TRAPPC9: variants seen among roughly 807,000 people sequenced by gnomAD.
TRAPPC9 encodes the protein trafficking protein particle complex subunit 9.
In TRAPPC9, 83 loss-of-function variants were observed where a neutral mutation model predicts 124.0. The observed-to-expected ratio is 0.67, with a 90% confidence interval of 0.56 to 0.80. TRAPPC9 has a LOEUF of 0.80. Ranked by LOEUF, TRAPPC9 falls within the 30% of genes least tolerant of loss-of-function variation. The pLI is 0.00. For synonymous variants in TRAPPC9, 638 were observed against 617.5 expected (o/e 1.03, Z -0.49); for missense variants, 1,302 against 1,508.3 (o/e 0.86, Z 2.27).
intron 17 of TRAPPC9, among the ~76,000 whole-genome samples, chr8:140,052,017 C>T (rs1337706617): frequency 1.3e-5 from 2 of 152,148 alleles, no homozygotes; most frequent in Non-Finnish European, 2.9e-5. Context: ...TTCTCTCCAG[C>T]ACCAGTAGTT....
intron 16 of TRAPPC9, among the ~76,000 whole-genome samples, chr8:140,245,627 CCT>C (rs1263266031): frequency 7.9e-5 from 12 of 152,154 alleles, no homozygotes; most frequent in African/African-American, 1.2e-4. Context: ...CCTTTTTCCC[CCT>C]GATAATTTAC....
chr8:140,243,872 G>A (rs2063918595), intron 16 of TRAPPC9, among the ~76,000 whole-genome samples: 1 of 152,268 alleles, frequency 6.6e-6, no homozygotes, highest in Non-Finnish European at 1.5e-5. Context: ...GCAACCCCTG[G>A]TGGCCTGTTA....
At chr8:139,951,784 C>T (rs1834661878) in intron 19 of TRAPPC9, among the ~76,000 whole-genome samples, 1 of 152,182 alleles carries the variant, frequency 6.6e-6, no homozygotes, top group Non-Finnish European at 1.5e-5. Context: ...CTTCTAAAGG[C>T]CAGAGATTGA....
intron 19 of TRAPPC9, among the ~76,000 whole-genome samples, chr8:139,957,718 C>A (rs1835091986): frequency 6.6e-6 from 1 of 152,118 alleles, no homozygotes; most frequent in Non-Finnish European, 1.5e-5. Flanking sequence ...TCAGCCACAG[C>A]CGCAGGGGTG....
At position 139,730,237 on chromosome 8, in the gene TRAPPC9, C is replaced by T. The variant is rs1055748323; in HGVS notation, c.*824G>A. On this transcript the variant is annotated 3_prime_UTR_variant, in exon 23 of 23. Coordinates refer to ENST00000438773, the MANE Select transcript of TRAPPC9 (RefSeq NM_001160372.4). ...GAGATCTCTAACTCAGAACCCGTCC[C>T]TTCCTGGGTCCGGCTTCTGCTGGGA... 1 of 152,324 alleles carries T rather than the reference C, an allele frequency of 6.6e-6. No individual in the cohort carries two copies. The highest frequency in any genetic ancestry group is 2.1e-4 in the South Asian group (1 of 4,836). The allele number at this position is 152,324 out of a possible 1,614,324, so 9.4% of individuals were successfully genotyped here.
chr8:139,902,769 C>G (rs1831099855), intron 20 of TRAPPC9, among the ~76,000 whole-genome samples: 1 of 152,194 alleles, frequency 6.6e-6, no homozygotes. Context: ...GCCCACACAG[C>G]CCACGTCAAG....
At chr8:140,033,657 G>GGTTTTTTGTTTTTTTTTTT (rs1563706486) in intron 17 of TRAPPC9, among the ~76,000 whole-genome samples, 1 of 49,264 alleles carries the variant, frequency 2.0e-5, no homozygotes, top group Non-Finnish European at 5.7e-5. Flanking sequence ...TTCATAATGT[G>GGTTTTTTGTTTTTTTTTTT]GTTTTTTTTT....
chr8:139,778,725 A>T (rs1281657452), intron 21 of TRAPPC9, among the ~76,000 whole-genome samples: 2 of 152,198 alleles, frequency 1.3e-5, no homozygotes, highest in African/African-American at 2.4e-5. Context: ...ATCCAAAATG[A>T]AACACACAGA....
intron 21 of TRAPPC9, among the ~76,000 whole-genome samples, chr8:139,792,805 T>C (rs1233876748): frequency 2.0e-5 from 3 of 152,196 alleles, no homozygotes; most frequent in Non-Finnish European, 4.4e-5. Context: ...AGTGCTGCTA[T>C]CTAGTCAGAC....
chr8:139,735,658 G>GT (rs112374981), intron 21 of TRAPPC9, among the ~76,000 whole-genome samples: 3,856 of 147,356 alleles, frequency 0.026, 115 homozygotes, highest in African/African-American at 0.077. Flanking sequence ...ACCCTGCCCT[G>GT]TTTTTTTTTT....
At chr8:139,757,150 C>T (rs1819886860) in intron 21 of TRAPPC9, among the ~76,000 whole-genome samples, 1 of 129,116 alleles carries the variant, frequency 7.7e-6, no homozygotes, top group African/African-American at 3.1e-5. Context: ...ATGAGGACAG[C>T]AGGTCGCAGG....
At chr8:140,220,450 C>G (rs533063524) in intron 17 of TRAPPC9, among the ~76,000 whole-genome samples, 1 of 152,196 alleles carries the variant, frequency 6.6e-6, no homozygotes, top group Admixed American at 6.5e-5. Flanking sequence ...CAAACAGAAG[C>G]TCTCCAGGAA....
intron 21 of TRAPPC9, among the ~76,000 whole-genome samples, chr8:139,750,628 G>A (rs1433100829): frequency 1.3e-5 from 2 of 152,320 alleles, no homozygotes; most frequent in African/African-American, 4.8e-5. Flanking sequence ...TGTGGCCCCT[G>A]CTCCTGGGGA....
intron 9 of TRAPPC9, among the ~76,000 whole-genome samples, chr8:140,334,475 C>G (rs903596826): frequency 6.6e-6 from 1 of 152,004 alleles, no homozygotes; most frequent in Non-Finnish European, 1.5e-5. Flanking sequence ...CGTGGTGAAA[C>G]CCCATCTCTA....
chr8:139,774,169 CTGAG>C (rs1185681108), intron 21 of TRAPPC9, among the ~76,000 whole-genome samples: 2 of 152,160 alleles, frequency 1.3e-5, no homozygotes, highest in African/African-American at 2.4e-5. Context: ...CACGCCTGCC[CTGAG>C]TGAGACAGAA....
intron 19 of TRAPPC9, among the ~76,000 whole-genome samples, chr8:139,972,850 C>T (rs941704483): frequency 1.3e-5 from 2 of 152,140 alleles, no homozygotes; most frequent in Non-Finnish European, 2.9e-5. Context: ...ATGAGGCAGA[C>T]GGGGAAGAAG....
At chr8:139,873,751 G>A (rs1829149290) in intron 21 of TRAPPC9, among the ~76,000 whole-genome samples, 1 of 152,244 alleles carries the variant, frequency 6.6e-6, no homozygotes, top group African/African-American at 2.4e-5. Context: ...CTTGGCTTCT[G>A]TTCTCGGCCA....
Position 140,287,745 on chromosome 8 carries a change from C to T in TRAPPC9, c.1855-11G>A, listed in dbSNP as rs751545259. ...GCTGGTGAGCAGCCCCTAAACCAAG[C>T]GACGCAGCATCGTAAGCCCGGAGCA... On this transcript the variant is annotated splice_polypyrimidine_tract_variant and intron_variant, in intron 12 of 22. Transcript: ENST00000438773. 7 of 1,613,930 alleles carry T rather than the reference C, an allele frequency of 4.3e-6. No homozygotes were observed. Among genetic ancestry groups the T allele is most frequent in the East Asian group, 2.2e-5 (1 of 44,890 alleles).
intron 7 of TRAPPC9, among the ~76,000 whole-genome samples, chr8:140,393,346 C>G (rs2068987278): frequency 6.6e-6 from 1 of 152,198 alleles, no homozygotes; most frequent in South Asian, 2.1e-4. Flanking sequence ...GGCCAAAGTC[C>G]ATGCTTCTTC....
Sources: allele counts gnomAD v4.1 joint callset (sites outside exome capture counted in the v4.1 genomes callset), GRCh38; gene constraint gnomAD v4.1.1; transcripts MANE v1.5; gene names NCBI Gene and HGNC (gene_info 2026-07-23, HGNC 2026-07-21).